Variants in POU1F1 observed in about 807,000 individuals in gnomAD.
POU1F1 encodes the protein POU class 1 homeobox 1.
In POU1F1, 23 loss-of-function variants were observed where a neutral mutation model predicts 32.3. That is an observed-to-expected ratio of 0.71 (90% CI 0.51 to 1.01). POU1F1 has a LOEUF of 1.01. Ranked by LOEUF, POU1F1 falls within the 50% of genes least tolerant of loss-of-function variation. The pLI, the probability that POU1F1 is intolerant of heterozygous loss-of-function variation, is 0.00. For synonymous variants in POU1F1, 120 were observed against 115.6 expected, an observed-to-expected ratio of 1.04 and a Z score of -0.25; for missense variants, 323 against 341.6, an observed-to-expected ratio of 0.95 and a Z score of 0.43.
intron 1 of POU1F1, among the ~76,000 whole-genome samples, chr3:87,275,365 T>C (rs544666626): frequency 1.3e-5 from 2 of 152,122 alleles, no homozygotes; most frequent in African/African-American, 4.8e-5. Flanking sequence ...AGAAAATGCT[T>C]AATAATAACA....
rs758047644 is a variant in POU1F1 at position 87,262,143 on chromosome 3, G to C, written c.532C>G (p.Leu178Val). 9.3e-6 allele frequency: 15 copies of C among 1,613,984 alleles called. No homozygotes were observed. The highest frequency in any genetic ancestry group is 1.3e-5 in the Non-Finnish European group (15 of 1,179,996). Residue 178 changes from leucine to valine, a missense_variant, in exon 4 of 6, where the codon CTC (leucine) becomes GTC (valine). Coordinates refer to ENST00000350375, the MANE Select transcript of POU1F1 (RefSeq NM_000306.4). ...AGTTTGCATGCATTTTTAAAGCTGA[G>C]CTGCAGATTTTCAAATCGGCAGATT... ...TTICRFENLQ[L>V]SFKNACKLKA...
intron 2 of POU1F1, among the ~76,000 whole-genome samples, chr3:87,266,349 A>G (rs1354360668): frequency 6.8e-6 from 1 of 146,918 alleles, no homozygotes; most frequent in East Asian, 1.9e-4. Flanking sequence ...ATAATTATAA[A>G]TGTGTAATTA....
chr3:87,264,881 G>A (rs1313448214), intron 2 of POU1F1, among the ~76,000 whole-genome samples: 2 of 152,092 alleles, frequency 1.3e-5, no homozygotes, highest in Non-Finnish European at 1.5e-5. Flanking sequence ...CAGAGTCTAT[G>A]CATTGAACTC....
At position 87,262,254 on chromosome 3, in the gene POU1F1, G is replaced by A. The variant is rs999880722; in HGVS notation, c.440-19C>T. On this transcript the variant is annotated intron_variant, in intron 3 of 5. Transcript: ENST00000350375. ...GTGTATCCTGTGAAGGGACAATAAAGACCATCAGCTCCAACTTTCCAGGAA... is the reference window on the plus strand; with the variant it reads ...GTGTATCCTGTGAAGGGACAATAAAAACCATCAGCTCCAACTTTCCAGGAA... The A allele has an allele frequency of 1.9e-6, 3 of 1,613,452 alleles. No individual in the cohort carries two copies. Among genetic ancestry groups the A allele is most frequent in the African/African-American group, 2.7e-5 (2 of 74,902 alleles).
intron 2 of POU1F1, among the ~76,000 whole-genome samples, chr3:87,272,162 C>G (rs1009654975): frequency 6.6e-6 from 1 of 151,584 alleles, no homozygotes; most frequent in Non-Finnish European, 1.5e-5. Context: ...ATTCCTTTAT[C>G]CACAGTTTTT....
chr3:87,276,338 G>C lies in POU1F1; in HGVS notation c.125C>G (p.Thr42Ser). The C allele has an allele frequency of 6.2e-7, 1 of 1,613,976 alleles. No individual in the cohort carries two copies. Among genetic ancestry groups the C allele is most frequent in the South Asian group, 1.1e-5 (1 of 91,072 alleles). ...AECLPVSNHA[T>S]NVMSTATGLH... ...GTCAGTACCTGTAGACATCACATTGGTGGCATGGTTGGAGACTGGTAGACA... is the reference window on the plus strand; with the variant it reads ...GTCAGTACCTGTAGACATCACATTGCTGGCATGGTTGGAGACTGGTAGACA... The change falls in exon 1 of 6, where the codon ACC becomes AGC. Residue 42 changes from threonine (T) to serine (S), a missense_variant. Thr to Ser is a moderately conservative substitution (Grantham distance 58). Transcript: ENST00000350375.
chr3:87,263,978 T>C (rs2106929797), intron 3 of POU1F1, among the ~76,000 whole-genome samples: 1 of 152,144 alleles, frequency 6.6e-6, no homozygotes, highest in African/African-American at 2.4e-5. Flanking sequence ...TCTTTTGTAC[T>C]TTTGAATCAT....
intron 2 of POU1F1, among the ~76,000 whole-genome samples, chr3:87,267,871 T>A (rs1205206932): frequency 6.6e-6 from 1 of 152,000 alleles, no homozygotes; most frequent in African/African-American, 2.4e-5. Flanking sequence ...CTTCCTGTAG[T>A]GCTAGAATTA....
chr3:87,275,939 TTAAGA>T, intron 1 of POU1F1, among the ~76,000 whole-genome samples: 1 of 152,254 alleles, frequency 6.6e-6, no homozygotes, highest in South Asian at 2.1e-4. Context: ...GAATAAACCT[TTAAGA>T]TAAAGAAGTA....
chr3:87,272,963 C>A (rs554694554), intron 2 of POU1F1, among the ~76,000 whole-genome samples: 1 of 152,216 alleles, frequency 6.6e-6, no homozygotes, highest in South Asian at 2.1e-4. Flanking sequence ...AATTTGAAAT[C>A]TTGTTTTATT....
intron 1 of POU1F1, among the ~76,000 whole-genome samples, chr3:87,275,736 A>C (rs1401008920): frequency 6.6e-6 from 1 of 152,122 alleles, no homozygotes; most frequent in Non-Finnish European, 1.5e-5. Flanking sequence ...AATTTTGAGA[A>C]AATTTACCTT....
rs545895036 is a variant in POU1F1 at position 87,270,766 on chromosome 3, C to T, written c.214+2581G>A. Among the ~76,000 whole-genome samples, 214 of 152,072 alleles carry T rather than the reference C, an allele frequency of 1.4e-3. 1 individual carries two copies. In the Middle Eastern group the frequency reaches 0.02, roughly 15 times the overall value. ...TCTATTGTGTACTTTATACATTTGT[C>T]TCTTATTTACCTTTTCTCTCTTATT... On this transcript the variant is annotated intron_variant, in intron 2 of 5. Coordinates refer to ENST00000350375, the MANE Select transcript of POU1F1 (RefSeq NM_000306.4).
At chr3:87,266,428 T>C (rs935614979) in intron 2 of POU1F1, among the ~76,000 whole-genome samples, 2 of 149,204 alleles carry the variant, frequency 1.3e-5, no homozygotes, top group Non-Finnish European at 3.0e-5. Context: ...TAATAGGGTA[T>C]ATTATTTTTT....
intron 3 of POU1F1, 59 bp from the exon 4 acceptor site, chr3:87,262,294 T>C: frequency 6.3e-7 from 1 of 1,586,202 alleles, no homozygotes; most frequent in Non-Finnish European, 8.6e-7. Flanking sequence ...TAATTTTGGT[T>C]CATTGTCACA....
At chr3:87,263,668 T>A (rs1706554256) in intron 3 of POU1F1, among the ~76,000 whole-genome samples, 1 of 152,064 alleles carries the variant, frequency 6.6e-6, no homozygotes, top group South Asian at 2.1e-4. Context: ...TTTATAGGGT[T>A]AATCATCGTG....
chr3:87,262,201 T>G lies in POU1F1; in HGVS notation c.474A>C (p.Ala158=), dbSNP rs774499181. 3.1e-6 allele frequency: 5 copies of G among 1,614,132 alleles called. No homozygotes were observed. The highest frequency in any genetic ancestry group is 2.5e-6 in the Non-Finnish European group (3 of 1,180,000). The change falls in exon 4 of 6, where the codon GCA becomes GCC. Residue 158 remains alanine, a synonymous_variant. Coordinates refer to ENST00000350375, the MANE Select transcript of POU1F1 (RefSeq NM_000306.4). The part of the protein sequence containing the change: ...YTQTNVGEAL[A]AVHGSEFSQT... ...GACTGAATTCAGAGCCATGCACAGC[T>G]GCCAGGGCCTCCCCAACATTTGTCT...
In POU1F1 at chr3:87,271,168, T is replaced by C. The variant is rs915236622; in HGVS notation, c.214+2179A>G. Among the ~76,000 whole-genome samples the C allele has an allele frequency of 3.3e-4, 50 of 152,246 alleles. 1 individual carries two copies. The highest frequency in any genetic ancestry group is 1.1e-3 in the African/African-American group (46 of 41,564). On this transcript the variant is annotated intron_variant, in intron 2 of 5. Transcript: ENST00000350375. ...TCTTCCAGGGGTCTTTACATTTTAA[T>C]TGAAATGAGGAAGAGGTTCGTGGAA...
chr3:87,273,443 A>C, intron 1 of POU1F1, 25 bp from the exon 2 acceptor site: 1 of 1,611,948 alleles, frequency 6.2e-7, no homozygotes, highest in Non-Finnish European at 8.5e-7. Context: ...GTTGTCACCG[A>C]GAAATGTGTG....
intron 5 of POU1F1, among the ~76,000 whole-genome samples, chr3:87,260,363 C>T (rs1338468635): frequency 6.6e-6 from 1 of 152,074 alleles, no homozygotes; most frequent in Non-Finnish European, 1.5e-5. Flanking sequence ...CTATGTTTTT[C>T]CCACTTTGTG....
Sources: gnomAD v4.1 joint callset for allele counts (sites outside exome capture counted in the v4.1 genomes callset) on GRCh38, gnomAD v4.1.1 for gene constraint, MANE v1.5 for transcripts, NCBI Gene and HGNC (gene_info 2026-07-23, HGNC 2026-07-21) for gene names.